GREP1: variants seen among roughly 807,000 people sequenced by gnomAD.
GREP1 encodes glycine rich extracellular protein 1.
In GREP1 at chr16:2,991,454, A is replaced by T; in HGVS notation, c.322+353A>T. On this transcript the variant is annotated intron_variant, in intron 8 of 34. Coordinates refer to ENST00000573315, the Ensembl canonical transcript of GREP1. This position sits in a 1 kb window ranked among gnomAD's most constrained non-coding sequence, Gnocchi z 4.9. Reference sequence around the variant, plus strand: ...CCCCACCAGGTGAGGGTGGCTGGGCAGGGGCCGCAGGGAGGGGCGGGCAGG... The same window carrying T: ...CCCCACCAGGTGAGGGTGGCTGGGCTGGGGCCGCAGGGAGGGGCGGGCAGG... The T allele has an allele frequency of 4.7e-6, 1 of 214,540 alleles. No individual in the cohort carries two copies. Among genetic ancestry groups the T allele is most frequent in the Non-Finnish European group, 9.2e-6 (1 of 109,068 alleles). The allele number at this position is 214,540 out of a possible 1,614,324, so 13.3% of individuals were successfully genotyped here.
chr16:2,998,715 T>A (rs1596463011), intron 25 of GREP1, 133 bp from the exon 24 acceptor site: 1 of 398,318 alleles, frequency 2.5e-6, no homozygotes, highest in East Asian at 3.6e-5. Flanking sequence ...CTGGCTAATG[T>A]CCCCCTAAGG....
At chr16:2,990,746 G>C (rs763501800) in intron 7 of GREP1, among the ~76,000 whole-genome samples, 159 bp downstream of exon 6, 2 of 152,136 alleles carry the variant, frequency 1.3e-5, no homozygotes, top group Non-Finnish European at 2.9e-5. Flanking sequence ...TGTCTCACGG[G>C]AAGTGGGCAG....
intron 33 of GREP1, 79 bp from the exon 28 acceptor site, chr16:3,001,202 C>T (rs2072460363): frequency 2.5e-6 from 1 of 399,094 alleles, no homozygotes; most frequent in African/African-American, 2.1e-5. Flanking sequence ...GGGTGTCTCC[C>T]ACAGCCTGGG....
rs1395928749 is a variant in GREP1 at position 2,989,014 on chromosome 16, G to T, written c.100+392G>T. The T allele has an allele frequency of 4.0e-6, 1 of 252,572 alleles. No homozygotes were observed. Among genetic ancestry groups the T allele is most frequent in the Non-Finnish European group, 7.5e-6 (1 of 133,434 alleles). The allele number at this position is 252,572 out of a possible 1,614,324, so 15.6% of individuals were successfully genotyped here. On this transcript the variant is annotated intron_variant, in intron 2 of 34. Coordinates refer to ENST00000573315, the Ensembl canonical transcript of GREP1. The surrounding 1 kb of genome is among the most constrained non-coding windows in gnomAD (Gnocchi z 4.2). ...AAGAGTCTTTACTTCAGGGACCTGG[G>T]GGGTCCTAAGGGTAGAAGGAGGGGC...
Position 2,988,908 on chromosome 16 carries a change from C to T in GREP1, c.100+286C>T, listed in dbSNP as rs2072384839. 4 of 371,812 alleles carry T rather than the reference C, an allele frequency of 1.1e-5. No individual in the cohort carries two copies. The East Asian group carries it at 1.5e-4, about 14-fold the overall frequency. The allele number at this position is 371,812 out of a possible 1,614,324, so 23.0% of individuals were successfully genotyped here. ...CAGGAGGGGCGGACCCACCGGCAGG[C>T]CAAAGGGGGCCGGAGGGGGAGAGGA... On this transcript the variant is annotated intron_variant, in intron 2 of 34. Transcript: ENST00000573315.
chr16:3,000,694 G>A lies in GREP1; in HGVS notation c.1418-20G>A, dbSNP rs1596463628. 3 of 398,966 alleles carry A rather than the reference G, an allele frequency of 7.5e-6. No homozygotes were observed. Among genetic ancestry groups the A allele is most frequent in the Non-Finnish European group, 8.8e-6 (2 of 226,092 alleles). The allele number at this position is 398,966 out of a possible 1,614,324, so 24.7% of individuals were successfully genotyped here. Reference sequence around the variant, plus strand: ...AGCTCCTGTGGGCAAGGGTACCCCTGCCAGCTCTCCTCCCCACAGGGCAGG... The same window carrying A: ...AGCTCCTGTGGGCAAGGGTACCCCTACCAGCTCTCCTCCCCACAGGGCAGG... On this transcript the variant is annotated intron_variant, in intron 32 of 34. Coordinates refer to ENST00000573315, the Ensembl canonical transcript of GREP1.
Position 2,989,600 on chromosome 16 carries a change from GC to G in GREP1, c.130+49del, listed in dbSNP as rs902085813. 5.0e-6 allele frequency: 2 copies of G among 400,378 alleles called. No homozygotes were observed. Among genetic ancestry groups the G allele is most frequent in the African/African-American group, 4.1e-5 (2 of 48,546 alleles). 24.8% of individuals were successfully genotyped at this position (400,378 alleles called of 1,614,324 possible). A position where few individuals can be genotyped will look rare whatever the true frequency, so the allele number is the denominator to read the frequency against. ...GAGGCGTCTGAGGGCAGGGCACGGG[GC>G]AGGGGGGAGGCAGGACAGGAACAGG... On this transcript the variant is annotated intron_variant, in intron 3 of 34. Coordinates refer to ENST00000573315, the Ensembl canonical transcript of GREP1. This position sits in a 1 kb window ranked among gnomAD's most constrained non-coding sequence, Gnocchi z 4.2.
In GREP1 at chr16:2,995,637, G is replaced by A. The variant is rs565767345; in HGVS notation, c.572G>A (p.Arg191Gln). 1.7e-4 allele frequency: 68 copies of A among 398,094 alleles called. 1 individual carries two copies. The South Asian group carries it at 7.2e-3, about 42-fold the overall frequency. 24.7% of individuals were successfully genotyped at this position (398,094 alleles called of 1,614,324 possible). A position where few individuals can be genotyped will look rare whatever the true frequency, so the allele number is the denominator to read the frequency against. The change falls in exon 16 of 35, where the codon CGA becomes CAA. Residue 191 changes from arginine (R) to glutamine (Q), a missense_variant. By Grantham distance (43) the Arg-to-Gln change is conservative. Coordinates refer to ENST00000573315, the Ensembl canonical transcript of GREP1. Reference sequence around the variant, plus strand: ...CCCATAGTCTTGACAGCCCAGAACCGATTTGGATTTGGAGCAGGTAGGAGC... The same window carrying A: ...CCCATAGTCTTGACAGCCCAGAACCAATTTGGATTTGGAGCAGGTAGGAGC...
At chr16:3,000,989 G>A (rs2072458863) in intron 33 of GREP1, among the ~76,000 whole-genome samples, 162 bp downstream of exon 27, 1 of 152,118 alleles carries the variant, frequency 6.6e-6, no homozygotes, top group Non-Finnish European at 1.5e-5. Flanking sequence ...GCATAGGCAG[G>A]AAGGAGCAGG....
intron 5 of GREP1, 167 bp downstream of exon 5, chr16:2,990,289 C>G: frequency 2.5e-6 from 1 of 398,018 alleles, no homozygotes; most frequent in Non-Finnish European, 4.4e-6. Flanking sequence ...TCAGCTGGGA[C>G]CCCAAACCTC....
intron 27 of GREP1, 125 bp from the exon 25 acceptor site, chr16:2,999,777 G>A (rs1332588588): frequency 5.0e-6 from 2 of 397,828 alleles, no homozygotes; most frequent in Non-Finnish European, 4.4e-6. Flanking sequence ...GATTTCTTCT[G>A]GTTCCATTCC....
At position 2,990,083 on chromosome 16, in the gene GREP1, C is replaced by T. The variant is rs748966776; in HGVS notation, c.164-4C>T. ...TCCTCACCTCACCTCATCTGTCTCT[C>T]CAGGATTCGTGGTCAGGCATGGGCT... On this transcript the variant is annotated splice_polypyrimidine_tract_variant and splice_region_variant and intron_variant, in intron 4 of 34. Transcript: ENST00000573315. 29 of 399,184 alleles carry T rather than the reference C, an allele frequency of 7.3e-5. No individual in the cohort carries two copies. Among genetic ancestry groups the T allele is most frequent in the Non-Finnish European group, 1.2e-4 (28 of 226,216 alleles). The allele number at this position is 399,184 out of a possible 1,614,324, so 24.7% of individuals were successfully genotyped here.
chr16:3,000,502 G>T (rs1449125492), intron 31 of GREP1: 3 of 399,134 alleles, frequency 7.5e-6, no homozygotes, highest in East Asian at 3.6e-5. Flanking sequence ...GCAGTGGAGT[G>T]GGGGAGACAA....
rs1465997565 is a variant in GREP1, at chr16:2,989,409, G to T, written c.101-114G>T. On this transcript the variant is annotated intron_variant, in intron 2 of 34. Transcript: ENST00000573315. This position sits in a 1 kb window ranked among gnomAD's most constrained non-coding sequence, Gnocchi z 4.2. Reference sequence around the variant, plus strand: ...TCCCCCTGAACCCCACAGGCTTAGGGAGCCCAAATGGCTACAGATCTGGTA... The same window carrying T: ...TCCCCCTGAACCCCACAGGCTTAGGTAGCCCAAATGGCTACAGATCTGGTA... The T allele has an allele frequency of 2.5e-6, 1 of 398,820 alleles. No individual in the cohort carries two copies. The highest frequency in any genetic ancestry group is 4.4e-6 in the Non-Finnish European group (1 of 226,014). The allele number at this position is 398,820 out of a possible 1,614,324, so 24.7% of individuals were successfully genotyped here.
At chr16:2,997,392 C>A in exon 22 of GREP1, 3 of 398,734 alleles carry the variant, frequency 7.5e-6, no homozygotes, top group Non-Finnish European at 1.3e-5. Context: ...CCCACAGGCC[C>A]CTTAGCCCAG....
intron 31 of GREP1, chr16:3,000,506 G>A (rs768266836): frequency 8.3e-5 from 33 of 399,148 alleles, no homozygotes; most frequent in Middle Eastern, 6.2e-4. Context: ...TGGAGTGGGG[G>A]AGACAACAGC....
Position 2,989,974 on chromosome 16 carries a change from G to A in GREP1, c.131G>A (p.Gly44Asp), listed in dbSNP as rs1170149187. The A allele has an allele frequency of 1.3e-5, 5 of 399,120 alleles. No homozygotes were observed. Among genetic ancestry groups the A allele is most frequent in the Non-Finnish European group, 2.2e-5 (5 of 226,292 alleles). 24.7% of individuals were successfully genotyped at this position (399,120 alleles called of 1,614,324 possible). A position where few individuals can be genotyped will look rare whatever the true frequency, so the allele number is the denominator to read the frequency against. The change falls in exon 4 of 35, where the codon GGC (glycine) becomes GAC (aspartate). Residue 44 changes from glycine to aspartate, a missense_variant and splice_region_variant. Coordinates refer to ENST00000573315, the Ensembl canonical transcript of GREP1. The surrounding 1 kb of genome is among the most constrained non-coding windows in gnomAD (Gnocchi z 4.2). ...GTCCCTCACCTCCCTGTCTCTCCAG[G>A]CTATGATGGGGGCGTGAAGCCACAG... is the stretch of plus-strand genomic sequence containing the variant.
exon 21 of GREP1, chr16:2,996,965 T>C: frequency 2.5e-6 from 1 of 399,188 alleles, no homozygotes; most frequent in Non-Finnish European, 4.4e-6. Context: ...TCCAAACGGC[T>C]ATGGACCAGG....
chr16:3,000,988 G>A (rs1012350281), intron 33 of GREP1, among the ~76,000 whole-genome samples, 161 bp downstream of exon 27: 4 of 152,096 alleles, frequency 2.6e-5, no homozygotes, highest in Non-Finnish European at 5.9e-5. Flanking sequence ...GGCATAGGCA[G>A]GAAGGAGCAG....
Sources: gnomAD v4.1 joint callset for allele counts (sites outside exome capture counted in the v4.1 genomes callset) on GRCh38, gnomAD v4.1.1 for gene constraint, Gnocchi (gnomAD v3.1) non-coding constraint, MANE v1.5 for transcripts, NCBI Gene and HGNC (gene_info 2026-07-23, HGNC 2026-07-21) for gene names.